The following NMRK1 variants were observed in gnomAD, a reference collection of about 807,000 sequenced individuals.
NMRK1 encodes nicotinamide riboside kinase 1, also known as NRK 1.
A neutral mutation model predicts 29.9 loss-of-function variants in NMRK1; 28 were observed. That is an observed-to-expected ratio of 0.94 (90% CI 0.69 to 1.28). The LOEUF (loss-of-function observed/expected upper bound fraction) is 1.28, where lower values mean the gene tolerates loss of function less well. Ranked by LOEUF, NMRK1 falls within the 50% of genes most tolerant of loss-of-function variation. The probability of loss-of-function intolerance (pLI) is 0.00; values close to 1 mark genes in which losing one functional copy is unlikely to be tolerated. For synonymous variants in NMRK1, 58 were observed against 73.0 expected (o/e 0.79, Z 1.05); for missense variants, 218 against 233.1 (o/e 0.94, Z 0.42).
In NMRK1 at chr9:75,077,517, A is replaced by C. The variant is rs370298455; in HGVS notation, c.93T>G (p.Ser31Arg). 7 of 1,611,926 alleles carry C rather than the reference A, an allele frequency of 4.3e-6. No homozygotes were observed. The African/African-American group carries it at 9.3e-5, about 22-fold the overall frequency. ...KNLQKHLPNC[S>R]VISQDDFFKP... ...TGAAGAAATCATCCTGAGATATGACACTGCAATTTGGGAGGTGTTTCTGCA... is the reference window on the plus strand; with the variant it reads ...TGAAGAAATCATCCTGAGATATGACCCTGCAATTTGGGAGGTGTTTCTGCA... Residue 31 changes from serine to arginine, a missense_variant, in exon 3 of 9, where the codon AGT (serine) becomes AGG (arginine). Transcript: ENST00000361092.
Position 75,061,471 on chromosome 9 carries a change from G to A in NMRK1, c.*77C>T, listed in dbSNP as rs966169238. 1 of 1,064,932 alleles carries A rather than the reference G, an allele frequency of 9.4e-7. No individual in the cohort carries two copies. Among genetic ancestry groups the A allele is most frequent in the Non-Finnish European group, 1.4e-6 (1 of 696,526 alleles). 66.0% of individuals were successfully genotyped at this position (1,064,932 alleles called of 1,614,324 possible). On this transcript the variant is annotated 3_prime_UTR_variant, in exon 9 of 9. Coordinates refer to ENST00000361092, the MANE Select transcript of NMRK1 (RefSeq NM_017881.3). ...CTGTCATTGTACCACAGTATACATT[G>A]TATCTTGGTGAAGGTTCTTAAATTA...
At position 75,077,483 on chromosome 9, in the gene NMRK1, T is replaced by C. The variant is rs1049181583; in HGVS notation, c.120+7A>G. 1.5e-5 allele frequency: 23 copies of C among 1,566,606 alleles called. No homozygotes were observed. The highest frequency in any genetic ancestry group is 1.5e-4 in the South Asian group (13 of 89,130). ...TAAATAAATAATTTAAGAAGTTTTA[T>C]AGATACCTTGAAGAAATCATCCTGA... On this transcript the variant is annotated splice_region_variant and intron_variant, in intron 3 of 8. Transcript: ENST00000361092.
intron 2 of NMRK1, chr9:75,082,735 A>T: frequency 3.8e-6 from 1 of 261,014 alleles, no homozygotes; most frequent in South Asian, 8.3e-5. Flanking sequence ...GCTGGAAAGA[A>T]ACTAAGTTTT....
In NMRK1 at chr9:75,069,983, C is replaced by T. The variant is rs140000460; in HGVS notation, c.229G>A (p.Ala77Thr). 2.8e-4 allele frequency: 450 copies of T among 1,613,794 alleles called. 1 individual carries two copies. In the African/African-American group the frequency reaches 4.5e-3, roughly 16 times the overall value. ...TCTGTTGATACCACAGAGTGTCTTG[C>T]GCTTTCCATCCAGCAGGAAATGGCT... ...MSAISCWMES[A>T]RHSVVSTDQE... The change falls in exon 5 of 9, where the codon GCA becomes ACA. Residue 77 changes from alanine (A) to threonine (T), a missense_variant. Physicochemically the swap from Ala to Thr is moderately conservative, Grantham distance 58 (BLOSUM62 0). Coordinates refer to ENST00000361092, the MANE Select transcript of NMRK1 (RefSeq NM_017881.3).
chr9:75,078,046 T>C (rs571730586), intron 2 of NMRK1, among the ~76,000 whole-genome samples: 2 of 152,216 alleles, frequency 1.3e-5, no homozygotes, highest in Non-Finnish European at 2.9e-5. Flanking sequence ...CTGGTAGATC[T>C]GATGTACTTA....
chr9:75,070,172 AT>A (rs1471263317), intron 4 of NMRK1, 130 bp from the exon 5 acceptor site: 1 of 620,408 alleles, frequency 1.6e-6, no homozygotes, highest in African/African-American at 1.9e-5. Context: ...AAAACTCCTA[AT>A]AACAAATAAT....
intron 2 of NMRK1, among the ~76,000 whole-genome samples, chr9:75,079,522 G>A (rs1380520010): frequency 6.6e-6 from 1 of 152,182 alleles, no homozygotes; most frequent in Non-Finnish European, 1.5e-5. Flanking sequence ...CACTGACTTA[G>A]CTAAAGCTAA....
chr9:75,065,310 C>T (rs978168291), intron 8 of NMRK1, among the ~76,000 whole-genome samples: 20 of 152,188 alleles, frequency 1.3e-4, no homozygotes, highest in African/African-American at 4.8e-4. Flanking sequence ...GCTGGGACTG[C>T]AGGCGCGCAC....
Position 75,061,406 on chromosome 9 carries a change from A to G in NMRK1, c.*142T>C. Reference sequence around the variant, plus strand: ...GATATTTATTGTTCCACATGTTGGGAAAACCATGTGCAATAAAAATCAAAC... The same window carrying G: ...GATATTTATTGTTCCACATGTTGGGGAAACCATGTGCAATAAAAATCAAAC... On this transcript the variant is annotated 3_prime_UTR_variant, in exon 9 of 9. Coordinates refer to ENST00000361092, the MANE Select transcript of NMRK1 (RefSeq NM_017881.3). 1 of 685,050 alleles carries G rather than the reference A, an allele frequency of 1.5e-6. No homozygotes were observed. The highest frequency in any genetic ancestry group is 3.0e-5 in the Admixed American group (1 of 33,770). 42.4% of individuals were successfully genotyped at this position (685,050 alleles called of 1,614,324 possible). A position where few individuals can be genotyped will look rare whatever the true frequency, so the allele number is the denominator to read the frequency against.
intron 2 of NMRK1, 95 bp from the exon 3 acceptor site, chr9:75,077,675 A>C (rs916069652): frequency 2.3e-6 from 2 of 858,694 alleles, no homozygotes; most frequent in Non-Finnish European, 3.8e-6. Context: ...TCGCTGTGTC[A>C]CCAAGGCTGG....
At chr9:75,086,828 T>C (rs1824667811) in intron 1 of NMRK1, among the ~76,000 whole-genome samples, 1 of 152,174 alleles carries the variant, frequency 6.6e-6, no homozygotes, top group South Asian at 2.1e-4. Context: ...TTGATTCTCT[T>C]CTTCCAGGAG....
chr9:75,085,342 A>C (rs1235329743), intron 1 of NMRK1, among the ~76,000 whole-genome samples: 3 of 152,234 alleles, frequency 2.0e-5, no homozygotes, highest in Non-Finnish European at 4.4e-5. Flanking sequence ...ATATTAAACT[A>C]AACCAATTGA....
At chr9:75,069,693 A>G in intron 6 of NMRK1, 49 bp downstream of exon 6, 2 of 1,462,890 alleles carry the variant, frequency 1.4e-6, no homozygotes, top group Middle Eastern at 1.8e-4. Flanking sequence ...TTTTTCTTCT[A>G]CATTTTTTGT....
At position 75,086,101 on chromosome 9, in the gene NMRK1, C is replaced by T. The variant is rs149456080; in HGVS notation, c.-36+1907G>A. On this transcript the variant is annotated intron_variant, in intron 1 of 8. Transcript: ENST00000361092. ...CCTATAAAAAAAATCACCAAGGCTGCAGTGAGCCATGACTGTGCCACTGCA... is the reference window on the plus strand; with the variant it reads ...CCTATAAAAAAAATCACCAAGGCTGTAGTGAGCCATGACTGTGCCACTGCA... Among the ~76,000 whole-genome samples the T allele has an allele frequency of 3.5e-4, 53 of 152,170 alleles. 3 individuals are homozygous for T. The East Asian group carries it at 0.01, about 29-fold the overall frequency.
intron 7 of NMRK1, 48 bp downstream of exon 7, chr9:75,068,948 G>T: frequency 7.8e-7 from 1 of 1,279,696 alleles, no homozygotes. Context: ...ATACTTTGAG[G>T]CAAATGACAA....
At chr9:75,083,308 C>T (rs1587407278) in intron 1 of NMRK1, among the ~76,000 whole-genome samples, 158 bp from the exon 2 acceptor site, 1 of 152,234 alleles carries the variant, frequency 6.6e-6, no homozygotes, top group Admixed American at 6.5e-5. Context: ...GCACTGGCTT[C>T]CCCTGCTACC....
intron 8 of NMRK1, among the ~76,000 whole-genome samples, chr9:75,062,050 G>A (rs564742648): frequency 1.3e-5 from 2 of 152,218 alleles, no homozygotes; most frequent in East Asian, 3.9e-4. Flanking sequence ...CATTTTTTGG[G>A]TAGTATTTCA....
intron 4 of NMRK1, among the ~76,000 whole-genome samples, chr9:75,073,562 A>G (rs1292735758): frequency 1.3e-5 from 2 of 152,034 alleles, no homozygotes; most frequent in Non-Finnish European, 2.9e-5. Flanking sequence ...AACATGGCAA[A>G]ACCCCAAATC....
chr9:75,087,706 C>A (rs929238267), intron 1 of NMRK1: 5 of 152,102 alleles, frequency 3.3e-5, no homozygotes, highest in African/African-American at 1.2e-4. Flanking sequence ...AGGAATGAGA[C>A]CATATCGATC....
Sources: gnomAD v4.1 joint callset for allele counts (sites outside exome capture counted in the v4.1 genomes callset) on GRCh38, gnomAD v4.1.1 for gene constraint, MANE v1.5 for transcripts, NCBI Gene and HGNC (gene_info 2026-07-23, HGNC 2026-07-21) for gene names.